The following MYO7A variants were observed in gnomAD, a reference collection of about 807,000 sequenced individuals.
MYO7A encodes the protein unconventional myosin-VIIa.
In MYO7A, 210 loss-of-function variants were observed where a neutral mutation model predicts 263.8. That is an observed-to-expected ratio of 0.80 (90% CI 0.71 to 0.89). The LOEUF (loss-of-function observed/expected upper bound fraction) is 0.89, where lower values mean the gene tolerates loss of function less well. Ranked by LOEUF, MYO7A falls within the 40% of genes least tolerant of loss-of-function variation. The pLI, the probability that MYO7A is intolerant of heterozygous loss-of-function variation, is 0.00. For synonymous variants in MYO7A, 1,239 were observed against 1,197.3 expected, an observed-to-expected ratio of 1.03 and a Z score of -0.72; for missense variants, 2,820 against 2,968.3, an observed-to-expected ratio of 0.95 and a Z score of 1.16.
intron 15 of MYO7A, among the ~76,000 whole-genome samples, chr11:77,168,207 C>T (rs1419281974): frequency 6.6e-6 from 1 of 152,186 alleles, no homozygotes; most frequent in African/African-American, 2.4e-5. Context: ...CATCTGGGAA[C>T]ACTCCATGAT....
chr11:77,192,295 C>T lies in MYO7A; in HGVS notation c.4152+17C>T. On this transcript the variant is annotated intron_variant, in intron 31 of 48. Coordinates refer to ENST00000409709, the MANE Select transcript of MYO7A (RefSeq NM_000260.4). ...TGTGAGAAGGTGAGTGGGAGGGAAT[C>T]TTCCGCCAGGCTGGCTTGGCTCACA... 6.2e-7 allele frequency: 1 copy of T among 1,610,870 alleles called. No homozygotes were observed. The highest frequency in any genetic ancestry group is 8.5e-7 in the Non-Finnish European group (1 of 1,177,056).
At position 77,162,398 on chromosome 11, in the gene MYO7A, C is replaced by T; in HGVS notation, c.1554+68C>T. ...ACAGCTTCCTTCCCTGCTTTGAGCC[C>T]CGGCTTTCCTCATCTGCAAAATAGG... On this transcript the variant is annotated intron_variant, in intron 13 of 48. Transcript: ENST00000409709. The T allele has an allele frequency of 2.1e-6, 3 of 1,454,588 alleles. 1 individual carries two copies. The highest frequency in any genetic ancestry group is 2.8e-6 in the Non-Finnish European group (3 of 1,062,274). The allele number at this position is 1,454,588 out of a possible 1,614,324, so 90.1% of individuals were successfully genotyped here.
intron 30 of MYO7A, among the ~76,000 whole-genome samples, chr11:77,191,598 G>C (rs180764065): frequency 1.3e-5 from 2 of 152,198 alleles, no homozygotes; most frequent in African/African-American, 4.8e-5. Context: ...TGGGCGTCCC[G>C]CAGACTCACC....
Position 77,189,464 on chromosome 11 carries a change from T to C in MYO7A, c.3624T>C (p.Phe1208=). ...GCTGTTTCGCCCCCTCCGAGAAGTTTGTCAAGGTAGGAAGGTGCCTGGCCT... is the reference window on the plus strand; with the variant it reads ...GCTGTTTCGCCCCCTCCGAGAAGTTCGTCAAGGTAGGAAGGTGCCTGGCCT... ...CVGCFAPSEK[F]VKYLRNFIHG... The change falls in exon 28 of 49, where the codon TTT becomes TTC. Residue 1208 remains phenylalanine, a synonymous_variant. Coordinates refer to ENST00000409709, the MANE Select transcript of MYO7A (RefSeq NM_000260.4). 6.2e-7 allele frequency: 1 copy of C among 1,613,558 alleles called. No individual in the cohort carries two copies. Among genetic ancestry groups the C allele is most frequent in the Non-Finnish European group, 8.5e-7 (1 of 1,179,798 alleles).
chr11:77,212,248 C>A (rs571767224), intron 46 of MYO7A: 10 of 511,494 alleles, frequency 2.0e-5, no homozygotes, highest in African/African-American at 9.6e-5. Flanking sequence ...GGAGGCTCTG[C>A]CGGGTGTGAG....
intron 40 of MYO7A, 115 bp from the exon 41 acceptor site, chr11:77,205,982 C>T: frequency 2.4e-6 from 2 of 824,712 alleles, no homozygotes; most frequent in Non-Finnish European, 4.0e-6. Context: ...CCGGTCACAT[C>T]ATAGGAAGTG....
At chr11:77,196,542 C>T (rs1956677066) in intron 32 of MYO7A, among the ~76,000 whole-genome samples, 2 of 152,214 alleles carry the variant, frequency 1.3e-5, no homozygotes, top group East Asian at 1.9e-4. Flanking sequence ...AGAAATTGCA[C>T]GTTCAAAAAA....
intron 41 of MYO7A, chr11:77,207,074 C>T (rs1255968292): frequency 8.5e-6 from 4 of 472,866 alleles, no homozygotes; most frequent in African/African-American, 3.9e-5. Flanking sequence ...ACGCCAAGGC[C>T]ACCTTCTGCT....
At chr11:77,172,221 A>G (rs1555076484) in intron 15 of MYO7A, among the ~76,000 whole-genome samples, 1 of 152,246 alleles carries the variant, frequency 6.6e-6, no homozygotes, top group Non-Finnish European at 1.5e-5. Flanking sequence ...TCAGATGGAT[A>G]GATGGCATCA....
In MYO7A at chr11:77,208,697, G is replaced by A. The variant is rs111033250; in HGVS notation, c.5945G>A (p.Gly1982Glu). ...WIKKARPIKD[G>E]IVPSLTYQVF... is the part of the protein sequence containing the mutation. ...GGTGACCGACTGCCCTGTGCTGCAG[G>A]AATTGTGCCCTCACTCACCTACCAG... Residue 1982 changes from glycine to glutamate, a missense_variant and splice_region_variant, in exon 44 of 49, where the codon GGA becomes GAA. Transcript: ENST00000409709. 6.3e-7 allele frequency: 1 copy of A among 1,578,974 alleles called. No individual in the cohort carries two copies. The highest frequency in any genetic ancestry group is 2.3e-5 in the East Asian group (1 of 42,932).
intron 27 of MYO7A, among the ~76,000 whole-genome samples, chr11:77,187,903 G>T (rs1440684191): frequency 2.0e-5 from 3 of 152,164 alleles, no homozygotes; most frequent in African/African-American, 7.2e-5. Flanking sequence ...CCTCCTATCA[G>T]GCCCCCGTTT....
chr11:77,153,578 T>C (rs1263527830), intron 4 of MYO7A, among the ~76,000 whole-genome samples: 1 of 152,150 alleles, frequency 6.6e-6, no homozygotes, highest in African/African-American at 2.4e-5. Flanking sequence ...GCCTTGCACG[T>C]GGCCACAGAG....
chr11:77,199,232 C>A (rs1166842359), intron 34 of MYO7A, among the ~76,000 whole-genome samples: 1 of 152,192 alleles, frequency 6.6e-6, no homozygotes, highest in Non-Finnish European at 1.5e-5. Context: ...TCCTTGTCCT[C>A]TTGGATCTTC....
rs1951695004 is a variant in MYO7A at position 77,147,954 on chromosome 11, A to T, written c.285+4A>T. On this transcript the variant is annotated splice_donor_region_variant and intron_variant, in intron 4 of 48. Transcript: ENST00000409709. The stretch of plus-strand genomic sequence containing the variant: ...CTACCGGGACCACCTCATCTACGTG[A>T]GTGCCGCCCCGCCCGGTGCCCGTCC... 2 of 1,539,448 alleles carry T rather than the reference A, an allele frequency of 1.3e-6. No individual in the cohort carries two copies. The highest frequency in any genetic ancestry group is 2.0e-5 in the Admixed American group (1 of 50,596).
At position 77,184,613 on chromosome 11, in the gene MYO7A, A is replaced by T; in HGVS notation, c.3401A>T (p.Glu1134Val). 1 of 1,571,682 alleles carries T rather than the reference A, an allele frequency of 6.4e-7. No individual in the cohort carries two copies. Among genetic ancestry groups the T allele is most frequent in the Non-Finnish European group, 8.6e-7 (1 of 1,158,012 alleles). Residue 1134 changes from glutamate to valine, a missense_variant, in exon 27 of 49, where the codon GAG (glutamate) becomes GTG (valine). Physicochemically the swap from Glu to Val is moderately radical, Grantham distance 121. Transcript: ENST00000409709. ...GTGACCAAGAGGCTGCATGACGGGG[A>T]GTCCACAGTGCAGGGCAACAGCATG... ...EEVTKRLHDG[E>V]STVQGNSMLE...
In MYO7A at chr11:77,172,743, C is replaced by A; in HGVS notation, c.1798-5C>A. On this transcript the variant is annotated splice_polypyrimidine_tract_variant and splice_region_variant and intron_variant, in intron 15 of 48. Transcript: ENST00000409709. ...CCCTCCCATCGCTGCCGTCCGTCCC[C>A]CCAGGGCGCCGAGACCAGGAAGCGC... The A allele has an allele frequency of 6.4e-7, 1 of 1,554,526 alleles. No homozygotes were observed. Among genetic ancestry groups the A allele is most frequent in the East Asian group, 2.4e-5 (1 of 41,180 alleles).
chr11:77,200,142 G>A (rs1207374311), intron 35 of MYO7A, among the ~76,000 whole-genome samples: 3 of 152,084 alleles, frequency 2.0e-5, no homozygotes, highest in East Asian at 1.9e-4. Context: ...GTGGTGGCAT[G>A]TGCCTGTAGT....
chr11:77,149,767 C>G (rs1951838850), intron 4 of MYO7A, among the ~76,000 whole-genome samples: 1 of 152,176 alleles, frequency 6.6e-6, no homozygotes, highest in African/African-American at 2.4e-5. Flanking sequence ...AGCCTTCTAG[C>G]ACTGACAAAG....
At chr11:77,181,866 C>A in intron 23 of MYO7A, 85 bp from the exon 24 acceptor site, 1 of 1,265,520 alleles carries the variant, frequency 7.9e-7, no homozygotes, top group Non-Finnish European at 1.1e-6. Flanking sequence ...CTCACTGCAG[C>A]CTTGAACTTC....
Sources: allele counts gnomAD v4.1 joint callset (sites outside exome capture counted in the v4.1 genomes callset), GRCh38; gene constraint gnomAD v4.1.1; transcripts MANE v1.5; gene names NCBI Gene and HGNC (gene_info 2026-07-23, HGNC 2026-07-21).